The following SYDE2 variants were observed in gnomAD, a reference collection of about 807,000 sequenced individuals.
SYDE2 encodes synapse defective Rho GTPase homolog 2.
Under a neutral mutation model 91.5 loss-of-function variants are expected in SYDE2, and 76 were observed. That is an observed-to-expected ratio of 0.83 (90% CI 0.69 to 1.01). The LOEUF (loss-of-function observed/expected upper bound fraction) is 1.01. Among genes scored for constraint, SYDE2 ranks in the 50% least tolerant of loss-of-function variants. SYDE2 has a pLI of 0.00. For missense variants in SYDE2, 1,364 were observed against 1,367.7 expected, an observed-to-expected ratio of 1.00 and a Z score of 0.04; for synonymous variants, 513 against 506.4, an observed-to-expected ratio of 1.01 and a Z score of -0.18.
At chr1:85,169,263 T>G in intron 4 of SYDE2, 38 bp from the exon 5 acceptor site, 1 of 1,510,856 alleles carries the variant, frequency 6.6e-7, no homozygotes, top group Non-Finnish European at 8.9e-7. Flanking sequence ...GTGATTGGAC[T>G]GCAGAGTGAA....
At position 85,193,549 on chromosome 1, in the gene SYDE2, A is replaced by G. The variant is rs1212190006; in HGVS notation, c.746-2797T>C. ...GCAAGGAACTACAGTGAGAAAAATAAAGCTACCAGTATCCCATATTTAAGC... is the reference window on the plus strand; with the variant it reads ...GCAAGGAACTACAGTGAGAAAAATAGAGCTACCAGTATCCCATATTTAAGC... On this transcript the variant is annotated intron_variant, in intron 1 of 6. Transcript: ENST00000341460. Among the ~76,000 whole-genome samples, 3 of 152,206 alleles carry G rather than the reference A, an allele frequency of 2.0e-5. No homozygotes were observed. The East Asian group carries it at 5.8e-4, about 29-fold the overall frequency.
At chr1:85,161,134 A>C in intron 6 of SYDE2, 3 of 984,736 alleles carry the variant, frequency 3.0e-6, no homozygotes, top group Non-Finnish European at 3.6e-6. Flanking sequence ...CAAAATTAAA[A>C]ATGCAGTCTA....
downstream of SYDE2, among the ~76,000 whole-genome samples, chr1:85,155,043 AG>A (rs1171096108): frequency 3.4e-5 from 5 of 148,432 alleles, no homozygotes; most frequent in Admixed American, 6.7e-5. Flanking sequence ...AAAAGAAAAA[AG>A]AAAAGAAAGA....
Position 85,196,408 on chromosome 1 carries a change from C to T in SYDE2, c.745+3844G>A, listed in dbSNP as rs1658588656. On this transcript the variant is annotated intron_variant, in intron 1 of 6. Coordinates refer to ENST00000341460, the MANE Select transcript of SYDE2 (RefSeq NM_032184.2). The stretch of plus-strand genomic sequence containing the variant: ...TGGACATTAAGTTTGAAAAGCACTG[C>T]TCTAAAACATTGAACCACATTTTGA... 2.0e-5 allele frequency among the ~76,000 whole-genome samples: 3 copies of T among 152,144 alleles called. No homozygotes were observed. The South Asian group carries it at 6.2e-4, about 32-fold the overall frequency.
intron 3 of SYDE2, 30 bp downstream of exon 3, chr1:85,182,068 A>C: frequency 6.5e-7 from 1 of 1,530,772 alleles, no homozygotes; most frequent in Non-Finnish European, 8.7e-7. Context: ...TCAATAAAGG[A>C]AGTAGTAGGG....
At chr1:85,189,141 C>T (rs1186791273) in intron 2 of SYDE2, among the ~76,000 whole-genome samples, 3 of 152,162 alleles carry the variant, frequency 2.0e-5, no homozygotes, top group East Asian at 3.8e-4. Context: ...ACCTAATATA[C>T]ATAAAACTTC....
At chr1:85,177,522 C>G (rs1657746425) in intron 4 of SYDE2, among the ~76,000 whole-genome samples, 1 of 152,114 alleles carries the variant, frequency 6.6e-6, no homozygotes, top group Admixed American at 6.6e-5. Context: ...TCAACCATGT[C>G]TCAAAGTCAT....
At chr1:85,160,122 C>T (rs1657007135) in intron 6 of SYDE2, 1 of 984,156 alleles carries the variant, frequency 1.0e-6, no homozygotes, top group Non-Finnish European at 1.2e-6. Flanking sequence ...AAAGATTACC[C>T]ATAATATCTT....
chr1:85,200,092 AC>A, intron 1 of SYDE2, 159 bp downstream of exon 1: 2 of 962,026 alleles, frequency 2.1e-6, no homozygotes, highest in South Asian at 4.8e-5. Context: ...ACATTAAGTA[AC>A]CCCGAAATTA....
At chr1:85,174,346 C>T (rs761717766) in intron 4 of SYDE2, among the ~76,000 whole-genome samples, 1 of 152,142 alleles carries the variant, frequency 6.6e-6, no homozygotes, top group Non-Finnish European at 1.5e-5. Flanking sequence ...AGTTACAGCA[C>T]AATCTGTCCA....
At chr1:85,159,619 T>C (rs1656987626) in intron 6 of SYDE2, among the ~76,000 whole-genome samples, 2 of 152,220 alleles carry the variant, frequency 1.3e-5, no homozygotes, top group African/African-American at 4.8e-5. Context: ...GCAAGGCATA[T>C]TGGTGTACAA....
Position 85,178,213 on chromosome 1 carries a change from A to G in SYDE2, c.2604T>C (p.Ala868=). Residue 868 remains alanine, a synonymous_variant, in exon 4 of 7, where the codon GCT becomes GCC. Coordinates refer to ENST00000341460, the MANE Select transcript of SYDE2 (RefSeq NM_032184.2). ...CAACAGCTTTGCTATCTCTCTCAAA[A>G]GCCTCTCGCAGTTCTTTCTTGACTG... The part of the protein sequence containing the change: ...SAAVKKELRE[A]FERDSKAVGL... 1.9e-6 allele frequency: 3 copies of G among 1,585,410 alleles called. No homozygotes were observed. The highest frequency in any genetic ancestry group is 2.6e-6 in the Non-Finnish European group (3 of 1,164,530).
downstream of SYDE2, among the ~76,000 whole-genome samples, chr1:85,156,602 C>T (rs895433728): frequency 6.6e-6 from 1 of 151,998 alleles, no homozygotes; most frequent in Admixed American, 6.6e-5. Context: ...AGCTATAACT[C>T]GGTGATGAGA....
At chr1:85,178,312 A>G (rs778096815) in intron 3 of SYDE2, 40 bp from the exon 4 acceptor site, 1 of 1,521,988 alleles carries the variant, frequency 6.6e-7, no homozygotes, top group South Asian at 1.2e-5. Flanking sequence ...TAAATTTGAT[A>G]AAGGGAAAAT....
At chr1:85,195,147 TA>T in intron 1 of SYDE2, among the ~76,000 whole-genome samples, 1 of 143,444 alleles carries the variant, frequency 7.0e-6, no homozygotes, top group African/African-American at 2.8e-5. Context: ...GCAACAGAGC[TA>T]GACTCCATCT....
In SYDE2 at chr1:85,182,274, C is replaced by A; in HGVS notation, c.2368G>T (p.Val790Leu). Residue 790 changes from valine (V) to leucine (L), a missense_variant, in exon 3 of 7, where the codon GTG becomes TTG. Transcript: ENST00000341460. ...VKLEPRGLIY[V>L]KVTLMEQWEN... ...CACTGTTCCATAAGAGTCACTTTCA[C>A]ATAAATAAGACCTCTAGGTTCAAGT... 2 of 1,613,120 alleles carry A rather than the reference C, an allele frequency of 1.2e-6. No individual in the cohort carries two copies. The highest frequency in any genetic ancestry group is 1.7e-6 in the Non-Finnish European group (2 of 1,179,614).
chr1:85,169,555 A>T (rs1657424107), intron 4 of SYDE2, among the ~76,000 whole-genome samples: 1 of 152,208 alleles, frequency 6.6e-6, no homozygotes, highest in East Asian at 1.9e-4. Flanking sequence ...AATGCATGTG[A>T]AACAGAAGTT....
chr1:85,155,009 C>CAAAAAAAAAAAAAAAAAAAAAAAGAAAAA, downstream of SYDE2, among the ~76,000 whole-genome samples: 1 of 80,676 alleles, frequency 1.2e-5, no homozygotes, highest in Non-Finnish European at 2.3e-5. Flanking sequence ...AAGAATGCAG[C>CAAAAAAAAAAAAAAAAAAAAAAAGAAAAA]AAAAAAAAAA....
intron 1 of SYDE2, among the ~76,000 whole-genome samples, chr1:85,196,435 T>A (rs775085057): frequency 6.6e-6 from 1 of 152,104 alleles, no homozygotes; most frequent in African/African-American, 2.4e-5. Context: ...ACATTTTGAG[T>A]GGCAAAGGTC....
Sources: allele counts gnomAD v4.1 joint callset (sites outside exome capture counted in the v4.1 genomes callset), GRCh38; gene constraint gnomAD v4.1.1; transcripts MANE v1.5; gene names NCBI Gene and HGNC (gene_info 2026-07-23, HGNC 2026-07-21).